The following DMD variants were observed in gnomAD, a reference collection of about 807,000 sequenced individuals.
DMD encodes the protein mutant dystrophin.
DMD carries 63 observed loss-of-function variants against 330.1 expected under a neutral mutation model. The ratio of observed to expected loss-of-function variants is 0.19; its 90% CI spans 0.16 to 0.24. The LOEUF is 0.24. Ranked by LOEUF, DMD falls within the 10% of genes least tolerant of loss-of-function variation. DMD has a pLI of 1.00. For synonymous variants in DMD, 1,223 were observed against 959.8 expected (o/e 1.27, Z -5.07); for missense variants, 3,344 against 2,684.1 (o/e 1.25, Z -5.43).
chrX:33,286,099 C>G (rs1466170559), intron 1 of DMD, among the ~76,000 whole-genome samples: 1 of 110,794 alleles, frequency 9.0e-6, no homozygotes, highest in Non-Finnish European at 1.9e-5. Flanking sequence ...TTTCAAGAAG[C>G]TTGAGAGCAT....
At chrX:32,255,895 C>A (rs2097296486) in intron 43 of DMD, among the ~76,000 whole-genome samples, 1 of 111,736 alleles carries the variant, frequency 8.9e-6, no homozygotes, top group African/African-American at 3.3e-5. Flanking sequence ...GGGAATACTG[C>A]ATCAAGTGAG....
At chrX:31,273,318 C>T (rs1036467636) in intron 62 of DMD, among the ~76,000 whole-genome samples, 4 of 111,864 alleles carry the variant, frequency 3.6e-5, no homozygotes, top group African/African-American at 1.3e-4. Flanking sequence ...TGAAACAAGT[C>T]GTAGGACTTA....
At chrX:31,258,744 A>C (rs1238450845) in intron 63 of DMD, among the ~76,000 whole-genome samples, 1 of 112,091 alleles carries the variant, frequency 8.9e-6, no homozygotes, top group African/African-American at 3.2e-5. Context: ...CACCACATCT[A>C]AAGTATGGAG....
intron 51 of DMD, among the ~76,000 whole-genome samples, chrX:31,730,888 CTGAAACTTATA>C (rs1391455463): frequency 1.8e-5 from 2 of 111,362 alleles, no homozygotes; most frequent in African/African-American, 6.5e-5. Flanking sequence ...AGTAATGTAT[CTGAAACTTATA>C]TGAAACTTAG....
intron 62 of DMD, among the ~76,000 whole-genome samples, chrX:31,318,002 A>G (rs1390045129): frequency 8.9e-6 from 1 of 112,317 alleles, no homozygotes; most frequent in Non-Finnish European, 1.9e-5. Flanking sequence ...AATAGCAATC[A>G]ATATTATGAA....
chrX:33,081,009 A>ACACACACACAC (rs1475097752), intron 1 of DMD, among the ~76,000 whole-genome samples: 32 of 88,080 alleles, frequency 3.6e-4, no homozygotes, highest in African/African-American at 1.4e-3. Context: ...CACACACACA[A>ACACACACACAC]AAACACATGT....
chrX:32,364,644 C>T lies in DMD; in HGVS notation c.5092G>A (p.Ala1698Thr). 6.6e-6 allele frequency: 8 copies of T among 1,209,025 alleles called. No homozygotes were observed. Among genetic ancestry groups the T allele is most frequent in the Non-Finnish European group, 9.0e-6 (8 of 893,365 alleles). Residue 1698 changes from alanine (A) to threonine (T), a missense_variant, in exon 36 of 79, where the codon GCT becomes ACT. Physicochemically the swap from Ala to Thr is moderately conservative, Grantham distance 58. Transcript: ENST00000357033. Reference protein sequence around the residue: ...VDHITKWIIQADTLLDESEKK... With the variant: ...VDHITKWIIQTDTLLDESEKK... ...TCTGATTCATCCAAAAGTGTGTCAG[C>T]CTGAATGATCCACTTTGTGATGTGG...
At chrX:32,260,277 G>C (rs1013490946) in intron 43 of DMD, among the ~76,000 whole-genome samples, 1 of 111,269 alleles carries the variant, frequency 9.0e-6, no homozygotes, top group Admixed American at 9.6e-5. Context: ...AAGCAATTTA[G>C]GTCCCTGAGT....
chrX:33,305,973 C>A (rs2053756334), intron 1 of DMD, among the ~76,000 whole-genome samples: 1 of 111,868 alleles, frequency 8.9e-6, no homozygotes, highest in African/African-American at 3.2e-5. Context: ...GGAAAGGAGA[C>A]AGAGAGTAGC....
intron 37 of DMD, among the ~76,000 whole-genome samples, chrX:32,356,909 A>T (rs2147157981): frequency 9.0e-6 from 1 of 111,422 alleles, no homozygotes; most frequent in Admixed American, 9.5e-5. Context: ...TTTATTTTTG[A>T]GATGGAATCT....
At chrX:32,385,943 T>C (rs910069779) in intron 33 of DMD, among the ~76,000 whole-genome samples, 1 of 110,077 alleles carries the variant, frequency 9.1e-6, no homozygotes, top group African/African-American at 3.3e-5. Flanking sequence ...TCATCACAAG[T>C]AGATATATAT....
chrX:32,358,640 C>A (rs1157498262), intron 37 of DMD, among the ~76,000 whole-genome samples: 1 of 111,472 alleles, frequency 9.0e-6, no homozygotes, highest in Non-Finnish European at 1.9e-5. Flanking sequence ...AACATAACTC[C>A]TTAGTAGTTC....
intron 55 of DMD, among the ~76,000 whole-genome samples, chrX:31,619,066 C>T (rs2078380022): frequency 9.0e-6 from 1 of 111,082 alleles, no homozygotes; most frequent in African/African-American, 3.3e-5. Context: ...CACCTTGGCA[C>T]ATAGTAACTA....
intron 7 of DMD, among the ~76,000 whole-genome samples, chrX:32,763,395 G>A (rs562997181): frequency 8.9e-6 from 1 of 111,732 alleles, no homozygotes; most frequent in South Asian, 3.7e-4. Flanking sequence ...ATTTGCCTGT[G>A]ACCCTGTAGG....
At chrX:31,759,583 A>G (rs1356286543) in intron 51 of DMD, among the ~76,000 whole-genome samples, 2 of 112,135 alleles carry the variant, frequency 1.8e-5, no homozygotes, top group Non-Finnish European at 3.8e-5. Flanking sequence ...CCTTTTTAGA[A>G]GACAGTTTGA....
chrX:31,853,396 T>C (rs934067236), intron 48 of DMD, among the ~76,000 whole-genome samples: 1 of 112,112 alleles, frequency 8.9e-6, no homozygotes, highest in Non-Finnish European at 1.9e-5. Context: ...CCTTGGACCA[T>C]AGTTTGCTGA....
chrX:31,396,274 A>T (rs1351991036), intron 60 of DMD, among the ~76,000 whole-genome samples: 1 of 109,454 alleles, frequency 9.1e-6, no homozygotes, highest in African/African-American at 3.3e-5. Flanking sequence ...AGTAGCTGGG[A>T]CTACAGGCGC....
At chrX:33,039,319 T>C (rs1308948627) in intron 1 of DMD, among the ~76,000 whole-genome samples, 1 of 110,793 alleles carries the variant, frequency 9.0e-6, no homozygotes, top group Non-Finnish European at 1.9e-5. Flanking sequence ...ACCACACTCC[T>C]TATCTTTTCT....
chrX:31,654,779 C>T (rs1200505937), intron 54 of DMD, among the ~76,000 whole-genome samples: 2 of 110,470 alleles, frequency 1.8e-5, no homozygotes, highest in Non-Finnish European at 3.8e-5. Flanking sequence ...GTGGGAGGAG[C>T]GAGAGGATCA....
Sources: allele counts gnomAD v4.1 joint callset (sites outside exome capture counted in the v4.1 genomes callset), GRCh38; gene constraint gnomAD v4.1.1; transcripts MANE v1.5; gene names NCBI Gene and HGNC (gene_info 2026-07-23, HGNC 2026-07-21).